AMOTL1: variants seen among roughly 807,000 people sequenced by gnomAD.
AMOTL1 encodes angiomotin like 1.
Under a neutral mutation model 102.9 loss-of-function variants are expected in AMOTL1, and 45 were observed. The observed-to-expected ratio is 0.44, with a 90% CI of 0.34 to 0.56. The LOEUF (loss-of-function observed/expected upper bound fraction) is 0.56, where lower values mean the gene tolerates loss of function less well. Among genes scored for constraint, AMOTL1 ranks in the 20% least tolerant of loss-of-function variants. The pLI is 0.01. For synonymous variants in AMOTL1, 481 were observed against 484.7 expected, an observed-to-expected ratio of 0.99 and a Z score of 0.10; for missense variants, 1,114 against 1,225.6, an observed-to-expected ratio of 0.91 and a Z score of 1.36.
At chr11:94,802,137 G>A (rs1482418057) in intron 3 of AMOTL1, among the ~76,000 whole-genome samples, 1 of 152,164 alleles carries the variant, frequency 6.6e-6, no homozygotes, top group East Asian at 1.9e-4. Context: ...GGCCAGGCAG[G>A]AGAACGCATT....
At chr11:94,737,164 G>A (rs1291086415) in intron 2 of AMOTL1, among the ~76,000 whole-genome samples, 1 of 152,198 alleles carries the variant, frequency 6.6e-6, no homozygotes, top group East Asian at 1.9e-4. Context: ...AGTCCATTGT[G>A]AGAACAGTTT....
At chr11:94,859,765 A>G (rs762069011) in intron 9 of AMOTL1, 50 bp downstream of exon 9, 2 of 1,513,208 alleles carry the variant, frequency 1.3e-6, no homozygotes, top group African/African-American at 1.4e-5. Flanking sequence ...TAAAAAAATC[A>G]AAACAAAACA....
At chr11:94,762,299 G>A (rs764512401) in intron 3 of AMOTL1, among the ~76,000 whole-genome samples, 1 of 152,216 alleles carries the variant, frequency 6.6e-6, no homozygotes, top group Non-Finnish European at 1.5e-5. Flanking sequence ...TTTAAAGTGG[G>A]TAACATCAAT....
rs766134538 is a variant in AMOTL1 at position 94,831,591 on chromosome 11, G to A, written c.1648+50G>A. On this transcript the variant is annotated intron_variant, in intron 6 of 12. Coordinates refer to ENST00000433060, the MANE Select transcript of AMOTL1 (RefSeq NM_130847.3). The stretch of plus-strand genomic sequence containing the variant: ...CCAAAGTTTGTTTGTTTAAAAACGG[G>A]GTCCTGAAGGAAGAATCATATTAGT... The A allele has an allele frequency of 2.4e-5, 36 of 1,479,158 alleles. No individual in the cohort carries two copies. The East Asian group carries it at 2.7e-4, about 11-fold the overall frequency. The allele number at this position is 1,479,158 out of a possible 1,614,324, so 91.6% of individuals were successfully genotyped here. A position where few individuals can be genotyped will look rare whatever the true frequency, so the allele number is the denominator to read the frequency against.
chr11:94,814,880 G>A (rs897134791), intron 3 of AMOTL1, among the ~76,000 whole-genome samples: 1 of 152,164 alleles, frequency 6.6e-6, no homozygotes. Context: ...ATAAATGTTA[G>A]ATATTCTCAC....
intron 3 of AMOTL1, among the ~76,000 whole-genome samples, chr11:94,749,096 C>G (rs951674607): frequency 6.6e-6 from 1 of 152,164 alleles, no homozygotes; most frequent in Admixed American, 6.5e-5. Flanking sequence ...GGTGAGAAGT[C>G]CCGTGACAGG....
At chr11:94,741,142 G>C (rs1200536985) in intron 3 of AMOTL1, among the ~76,000 whole-genome samples, 1 of 152,120 alleles carries the variant, frequency 6.6e-6, no homozygotes, top group Non-Finnish European at 1.5e-5. Flanking sequence ...TTCGCGGCCG[G>C]AACCGGCCTT....
intron 2 of AMOTL1, among the ~76,000 whole-genome samples, chr11:94,738,302 G>C (rs906282102): frequency 6.7e-6 from 1 of 150,154 alleles, no homozygotes; most frequent in African/African-American, 2.4e-5. Flanking sequence ...CTGTCACCCA[G>C]GCTGGACTGC....
chr11:94,860,033 A>G (rs1952744442), intron 9 of AMOTL1, among the ~76,000 whole-genome samples: 1 of 152,232 alleles, frequency 6.6e-6, no homozygotes, highest in South Asian at 2.1e-4. Context: ...CATTTAACAT[A>G]GCCTAGATTT....
intron 7 of AMOTL1, among the ~76,000 whole-genome samples, chr11:94,852,863 A>T (rs1952573643): frequency 6.6e-6 from 1 of 152,240 alleles, no homozygotes. Flanking sequence ...GTACACATAC[A>T]TATATAAATA....
intron 1 of AMOTL1, among the ~76,000 whole-genome samples, chr11:94,712,901 C>A (rs1404187739): frequency 6.6e-6 from 1 of 151,904 alleles, no homozygotes; most frequent in Non-Finnish European, 1.5e-5. Context: ...AGCATAAGAA[C>A]TTTTTGCCTA....
chr11:94,813,530 G>T (rs1264159560), intron 3 of AMOTL1, among the ~76,000 whole-genome samples: 4 of 152,170 alleles, frequency 2.6e-5, no homozygotes, highest in Non-Finnish European at 5.9e-5. Flanking sequence ...TTTCAGAAAG[G>T]AATGTTATCA....
intron 1 of AMOTL1, among the ~76,000 whole-genome samples, chr11:94,726,868 G>A (rs1278371327): frequency 1.3e-5 from 2 of 152,150 alleles, no homozygotes; most frequent in African/African-American, 2.4e-5. Flanking sequence ...CAAAATACAT[G>A]TGTTTGATGC....
rs78116633 is a variant in AMOTL1, at chr11:94,868,532, A to T, written c.2489-666A>T. Among the ~76,000 whole-genome samples the T allele has an allele frequency of 2.3e-3, 349 of 152,198 alleles. 2 individuals are homozygous for T. Among genetic ancestry groups the T allele is most frequent in the Non-Finnish European group, 3.8e-3 (260 of 67,988 alleles). On this transcript the variant is annotated intron_variant, in intron 11 of 12. Transcript: ENST00000433060. ...AGGAGAGGGCTAAGTGGCCTTTCCT[A>T]GGAGGCTGGCTGGCTTTCTGCTTCT...
At chr11:94,734,604 C>T (rs1950408189) in intron 2 of AMOTL1, among the ~76,000 whole-genome samples, 1 of 152,220 alleles carries the variant, frequency 6.6e-6, no homozygotes, top group South Asian at 2.1e-4. Context: ...TCATGCTGAG[C>T]TCAGGCAGCC....
At position 94,819,693 on chromosome 11, in the gene AMOTL1, C is replaced by T. The variant is rs377044516; in HGVS notation, c.1122-1837C>T. 3.3e-5 allele frequency among the ~76,000 whole-genome samples: 5 copies of T among 152,144 alleles called. 1 individual carries two copies. Among genetic ancestry groups the T allele is most frequent in the East Asian group, 3.9e-4 (2 of 5,190 alleles). ...TCATGTCTCCCTAACGTGTATGTAACCAAGCTGTACCCAGACCACCTTGGG... is the reference window on the plus strand; with the variant it reads ...TCATGTCTCCCTAACGTGTATGTAATCAAGCTGTACCCAGACCACCTTGGG... On this transcript the variant is annotated intron_variant, in intron 3 of 12. Transcript: ENST00000433060.
chr11:94,799,498 T>C lies in AMOTL1; in HGVS notation c.308T>C (p.Ile103Thr). 1 of 1,612,822 alleles carries C rather than the reference T, an allele frequency of 6.2e-7. No individual in the cohort carries two copies. The highest frequency in any genetic ancestry group is 1.7e-5 in the Admixed American group (1 of 59,858). Reference protein sequence around the residue: ...AAAGTVLQRLIQEQLRYGTPT... With the variant: ...AAAGTVLQRLTQEQLRYGTPT... The stretch of plus-strand genomic sequence containing the variant: ...GCTGGAACAGTATTGCAGCGGCTGA[T>C]CCAGGAACAACTGCGGTATGGCACC... Residue 103 changes from isoleucine (I) to threonine (T), a missense_variant, in exon 3 of 13, where the codon ATC becomes ACC. By Grantham distance (89) the Ile-to-Thr change is moderately conservative. Coordinates refer to ENST00000433060, the MANE Select transcript of AMOTL1 (RefSeq NM_130847.3). The surrounding 1 kb of genome is among the most constrained non-coding windows in gnomAD (Gnocchi z 4.5).
rs189680557 is a variant in AMOTL1 at position 94,815,759 on chromosome 11, G to T, written c.1122-5771G>T. ...TTATAAATATAAAAAGGTATTTTTG[G>T]CAAGAAAGGTTAAAAAGGAAAATAA... On this transcript the variant is annotated intron_variant, in intron 3 of 12. Coordinates refer to ENST00000433060, the MANE Select transcript of AMOTL1 (RefSeq NM_130847.3). Among the ~76,000 whole-genome samples, 210 of 152,002 alleles carry T rather than the reference G, an allele frequency of 1.4e-3. 2 individuals carry two copies. Among genetic ancestry groups the T allele is most frequent in the Middle Eastern group, 6.8e-3 (2 of 294 alleles).
chr11:94,819,683 G>A (rs1280416549), intron 3 of AMOTL1, among the ~76,000 whole-genome samples: 2 of 152,092 alleles, frequency 1.3e-5, no homozygotes, highest in Admixed American at 1.3e-4. Context: ...TCTCCCTAAC[G>A]TGTATGTAAC....
Sources: allele counts gnomAD v4.1 joint callset (sites outside exome capture counted in the v4.1 genomes callset), GRCh38; gene constraint gnomAD v4.1.1; non-coding constraint Gnocchi (gnomAD v3.1); transcripts MANE v1.5; gene names NCBI Gene and HGNC (gene_info 2026-07-23, HGNC 2026-07-21).